Variants in RGS14 observed in about 807,000 individuals in gnomAD.
RGS14 encodes the protein regulator of G-protein signaling 14.
RGS14 carries 33 observed loss-of-function variants against 63.8 expected under a neutral mutation model. That is an observed-to-expected ratio of 0.52 (90% confidence interval 0.39 to 0.69). The LOEUF (loss-of-function observed/expected upper bound fraction) is 0.69. Ranked by LOEUF, RGS14 falls within the 30% of genes least tolerant of loss-of-function variation. The pLI is 0.00. For missense variants in RGS14, 739 were observed against 742.9 expected (o/e 0.99, Z 0.06); for synonymous variants, 296 against 320.9 (o/e 0.92, Z 0.83).
At position 177,367,165 on chromosome 5, in the gene RGS14, G is replaced by A. The variant is rs979511853; in HGVS notation, c.483+131G>A. ...GGAGGCGGAGACAGAGCCAAATGCCGGGGCAGGCAGGGCGGAGCTCAGAGG... is the reference window on the plus strand; with the variant it reads ...GGAGGCGGAGACAGAGCCAAATGCCAGGGCAGGCAGGGCGGAGCTCAGAGG... On this transcript the variant is annotated intron_variant, in intron 5 of 14. Coordinates refer to ENST00000408923, the MANE Select transcript of RGS14 (RefSeq NM_006480.5). 3.9e-6 allele frequency: 5 copies of A among 1,271,072 alleles called. No homozygotes were observed. In the Admixed American group the frequency reaches 7.5e-5, roughly 19 times the overall value. The allele number at this position is 1,271,072 out of a possible 1,614,324, so 78.7% of individuals were successfully genotyped here.
In RGS14 at chr5:177,371,683, G is replaced by C; in HGVS notation, c.1498+94G>C. 7.4e-7 allele frequency: 1 copy of C among 1,355,086 alleles called. No homozygotes were observed. Among genetic ancestry groups the C allele is most frequent in the Middle Eastern group, 1.9e-4 (1 of 5,308 alleles). The allele number at this position is 1,355,086 out of a possible 1,614,324, so 83.9% of individuals were successfully genotyped here. ...TCAGAGAGCCTTGAGCTAAGGCAGG[G>C]GGCTGGGTGCCACTGGGCGTGGAAC... is the stretch of plus-strand genomic sequence containing the variant. On this transcript the variant is annotated intron_variant, in intron 14 of 14. Transcript: ENST00000408923. This position sits in a 1 kb window ranked among gnomAD's most constrained non-coding sequence, Gnocchi z 6.1.
At position 177,370,645 on chromosome 5, in the gene RGS14, G is replaced by C. The variant is rs764952536; in HGVS notation, c.1108G>C (p.Glu370Gln). Residue 370 changes from glutamate (E) to glutamine (Q), a missense_variant, in exon 10 of 15, where the codon GAA becomes CAA. Coordinates refer to ENST00000408923, the MANE Select transcript of RGS14 (RefSeq NM_006480.5). ...TVLADQEVRL[E>Q]NRITFELELT... ...GCTGGCGGATCAGGAAGTGCGGCTG[G>C]AAAACAGGATCACCTTCGAGTGAGT... 6.2e-7 allele frequency: 1 copy of C among 1,614,072 alleles called. No individual in the cohort carries two copies. Among genetic ancestry groups the C allele is most frequent in the Admixed American group, 1.7e-5 (1 of 60,022 alleles).
At chr5:177,369,143 G>A in intron 9 of RGS14, 1 of 575,956 alleles carries the variant, frequency 1.7e-6, no homozygotes, top group Non-Finnish European at 3.1e-6. Flanking sequence ...GGTGACCTTA[G>A]GGAGGTAAAA....
At position 177,368,173 on chromosome 5, in the gene RGS14, A is replaced by G; in HGVS notation, c.756A>G (p.Ala252=). The change falls in exon 8 of 15, where the codon GCA becomes GCG. Residue 252 remains alanine, a synonymous_variant. Transcript: ENST00000408923. Reference sequence around the variant, plus strand: ...CTTCACTAGAGCTGGGCGGGACTGCAAACGCCGCCTTGCGCCGAGAGTCTC... The same window carrying G: ...CTTCACTAGAGCTGGGCGGGACTGCGAACGCCGCCTTGCGCCGAGAGTCTC... ...KSFRRELGGT[A]NAALRRESQG... is the part of the protein sequence containing the mutation. 1.2e-6 allele frequency: 2 copies of G among 1,613,656 alleles called. No individual in the cohort carries two copies. Among genetic ancestry groups the G allele is most frequent in the Non-Finnish European group, 1.7e-6 (2 of 1,179,916 alleles).
In RGS14 at chr5:177,368,219, G is replaced by T; in HGVS notation, c.802G>T (p.Ala268Ser). ...RESQGSLNSS[A>S]SLDLGFLAFV... Reference sequence around the variant, plus strand: ...GTCTCAGGGCTCCCTCAACTCCTCCGCCAGCCTGGACCTTGGCTTCCTAGC... The same window carrying T: ...GTCTCAGGGCTCCCTCAACTCCTCCTCCAGCCTGGACCTTGGCTTCCTAGC... Residue 268 changes from alanine (A) to serine (S), a missense_variant, in exon 8 of 15, where the codon GCC becomes TCC. Transcript: ENST00000408923. The T allele has an allele frequency of 6.2e-7, 1 of 1,613,882 alleles. No individual in the cohort carries two copies. The highest frequency in any genetic ancestry group is 1.3e-5 in the African/African-American group (1 of 75,050).
In RGS14 at chr5:177,364,298, C is replaced by A. The variant is rs1762042010; in HGVS notation, c.46-1665C>A. ...GCATGGTGAAAGTGTAGGAGGTAAG[C>A]GGGAAGTAGGAACTGGGGATGACTC... On this transcript the variant is annotated intron_variant, in intron 1 of 14. Coordinates refer to ENST00000408923, the MANE Select transcript of RGS14 (RefSeq NM_006480.5). The surrounding 1 kb of genome is among the most constrained non-coding windows in gnomAD (Gnocchi z 4.6). 6.6e-6 allele frequency among the ~76,000 whole-genome samples: 1 copy of A among 151,978 alleles called. No homozygotes were observed. Among genetic ancestry groups the A allele is most frequent in the Non-Finnish European group, 1.5e-5 (1 of 68,006 alleles).
rs1346753682 is a variant in RGS14, at chr5:177,359,776, G to A, written c.45+1707G>A. Among the ~76,000 whole-genome samples, 1 of 152,238 alleles carries A rather than the reference G, an allele frequency of 6.6e-6. No individual in the cohort carries two copies. The highest frequency in any genetic ancestry group is 2.4e-5 in the African/African-American group (1 of 41,464). ...GCTTCCCGTGGCCCTGCACAGCTAGGGCAGGGAGGGCCAGACAGGCACTGG... is the reference window on the plus strand; with the variant it reads ...GCTTCCCGTGGCCCTGCACAGCTAGAGCAGGGAGGGCCAGACAGGCACTGG... On this transcript the variant is annotated intron_variant, in intron 1 of 14. Transcript: ENST00000408923. The surrounding 1 kb of genome is among the most constrained non-coding windows in gnomAD (Gnocchi z 4.4).
chr5:177,364,225 C>T lies in RGS14; in HGVS notation c.46-1738C>T, dbSNP rs957607133. Among the ~76,000 whole-genome samples, 1 of 151,972 alleles carries T rather than the reference C, an allele frequency of 6.6e-6. No homozygotes were observed. The highest frequency in any genetic ancestry group is 2.4e-5 in the African/African-American group (1 of 41,356). On this transcript the variant is annotated intron_variant, in intron 1 of 14. Transcript: ENST00000408923. This position sits in a 1 kb window ranked among gnomAD's most constrained non-coding sequence, Gnocchi z 4.6. ...GTGGAGATGTTTGCAGGCCTGTTTC[C>T]AGTTGGGATGGGAATAAGGGGCTGG... is the stretch of plus-strand genomic sequence containing the variant.
rs1300117467 is a variant in RGS14 at position 177,368,184 on chromosome 5, T to G, written c.767T>G (p.Leu256Trp). 8.1e-6 allele frequency: 13 copies of G among 1,613,748 alleles called. No homozygotes were observed. The highest frequency in any genetic ancestry group is 1.3e-5 in the African/African-American group (1 of 74,958). Reference protein sequence around the residue: ...RELGGTANAALRRESQGSLNS... With the variant: ...RELGGTANAAWRRESQGSLNS... ...CTGGGCGGGACTGCAAACGCCGCCT[T>G]GCGCCGAGAGTCTCAGGGCTCCCTC... The change falls in exon 8 of 15, where the codon TTG (leucine) becomes TGG (tryptophan). Residue 256 changes from leucine (L) to tryptophan (W), a missense_variant. Leu to Trp is a moderately conservative substitution (Grantham distance 61, BLOSUM62 -2). Coordinates refer to ENST00000408923, the MANE Select transcript of RGS14 (RefSeq NM_006480.5).
In RGS14 at chr5:177,371,498, T is replaced by A. The variant is rs764761683; in HGVS notation, c.1407T>A (p.Asp469Glu). ...RSQGCPPRTQ[D>E]KATHPPPASP... ...AGGGCTGCCCACCTAGAACTCAGGA[T>A]AAGGCCACCCATCCCCCTCCAGCGT... Residue 469 changes from aspartate to glutamate, a missense_variant, in exon 14 of 15, where the codon GAT becomes GAA. Asp to Glu is a conservative substitution (Grantham distance 45, BLOSUM62 2). Coordinates refer to ENST00000408923, the MANE Select transcript of RGS14 (RefSeq NM_006480.5). This position sits in a 1 kb window ranked among gnomAD's most constrained non-coding sequence, Gnocchi z 6.1. 6.2e-7 allele frequency: 1 copy of A among 1,613,768 alleles called. No homozygotes were observed. The highest frequency in any genetic ancestry group is 1.1e-5 in the South Asian group (1 of 91,042).
At chr5:177,363,664 T>C (rs1458164657) in intron 1 of RGS14, among the ~76,000 whole-genome samples, 1 of 151,784 alleles carries the variant, frequency 6.6e-6, no homozygotes, top group African/African-American at 2.4e-5. Flanking sequence ...GTTCTTTATA[T>C]ATATTTCACT....
intron 3 of RGS14, 119 bp from the exon 4 acceptor site, chr5:177,366,575 TCTGTCTGTCTGGCC>T (rs1762097399): frequency 1.1e-6 from 1 of 889,834 alleles, no homozygotes; most frequent in Non-Finnish European, 1.8e-6. Flanking sequence ...TCTGGCTCCG[TCTGTCTGTCTGGCC>T]CTGTCTGTCT....
chr5:177,358,050 G>T lies in RGS14; in HGVS notation c.26G>T (p.Gly9Val). MPGKPKHLGVPNGRMVLAV... is the reference protein window; with the variant it reads MPGKPKHLVVPNGRMVLAV... Reference sequence around the variant, plus strand: ...ATGCCAGGGAAGCCCAAGCACCTGGGCGTCCCCAACGGGCGCATGGTGAGT... The same window carrying T: ...ATGCCAGGGAAGCCCAAGCACCTGGTCGTCCCCAACGGGCGCATGGTGAGT... The change falls in exon 1 of 15, where the codon GGC becomes GTC. Residue 9 changes from glycine to valine, a missense_variant. Gly to Val is a moderately radical substitution (Grantham distance 109, BLOSUM62 -3). Coordinates refer to ENST00000408923, the MANE Select transcript of RGS14 (RefSeq NM_006480.5). This position sits in a 1 kb window ranked among gnomAD's most constrained non-coding sequence, Gnocchi z 4.8. 7.4e-7 allele frequency: 1 copy of T among 1,358,002 alleles called. No individual in the cohort carries two copies. Among genetic ancestry groups the T allele is most frequent in the African/African-American group, 1.5e-5 (1 of 66,374 alleles). The allele number at this position is 1,358,002 out of a possible 1,614,324, so 84.1% of individuals were successfully genotyped here.
rs917973400 is a variant in RGS14 at position 177,368,244 on chromosome 5, C to G, written c.827C>G (p.Ala276Gly). 1.9e-6 allele frequency: 3 copies of G among 1,613,174 alleles called. No homozygotes were observed. The highest frequency in any genetic ancestry group is 8.5e-7 in the Non-Finnish European group (1 of 1,179,436). ...SSASLDLGFL[A>G]FVSSKSESHR... ...GCCAGCCTGGACCTTGGCTTCCTAG[C>G]CTTCGTCAGCAGCAAATCTGAGGTG... is the stretch of plus-strand genomic sequence containing the variant. Residue 276 changes from alanine to glycine, a missense_variant, in exon 8 of 15, where the codon GCC becomes GGC. By Grantham distance (60) the Ala-to-Gly change is moderately conservative. Coordinates refer to ENST00000408923, the MANE Select transcript of RGS14 (RefSeq NM_006480.5).
rs566940283 is a variant in RGS14 at position 177,371,069 on chromosome 5, C to CGGGGCCGGGCCGGGCCG, written c.1254+41_1254+42insGCCGGGCCGGGCCGGGG. 1.8e-6 allele frequency: 1 copy of CGGGGCCGGGCCGGGCCG among 552,500 alleles called. No individual in the cohort carries two copies. The highest frequency in any genetic ancestry group is 3.6e-5 in the African/African-American group (1 of 28,130). The allele number at this position is 552,500 out of a possible 1,614,324, so 34.2% of individuals were successfully genotyped here. On this transcript the variant is annotated intron_variant, in intron 11 of 14. Transcript: ENST00000408923. The surrounding 1 kb of genome is among the most constrained non-coding windows in gnomAD (Gnocchi z 6.1). ...GCCGCGGGGCGGGGCGGGGCGGGGC[C>CGGGGCCGGGCCGGGCCG]GGGCCGGGGCCGGGGCCGGGGCCGG...
At position 177,371,578 on chromosome 5, in the gene RGS14, G is replaced by A. The variant is rs747536845; in HGVS notation, c.1487G>A (p.Cys496Tyr). 2.5e-6 allele frequency: 4 copies of A among 1,613,954 alleles called. No homozygotes were observed. The East Asian group carries it at 8.9e-5, about 36-fold the overall frequency. ...AGTGCCACTGGAAAGCGGCAGACCT[G>A]TGACATCGAAGGTACATGGTGGATG... ...PSSATGKRQTCDIEGLVELLN... is the reference protein window; with the variant it reads ...PSSATGKRQTYDIEGLVELLN... Residue 496 changes from cysteine (C) to tyrosine (Y), a missense_variant, in exon 14 of 15, where the codon TGT becomes TAT. Cys to Tyr is a radical substitution (Grantham distance 194). Transcript: ENST00000408923. This position sits in a 1 kb window ranked among gnomAD's most constrained non-coding sequence, Gnocchi z 6.1.
intron 1 of RGS14, among the ~76,000 whole-genome samples, chr5:177,361,898 TCTC>T (rs1458983248): frequency 1.3e-5 from 2 of 152,094 alleles, no homozygotes; most frequent in Non-Finnish European, 2.9e-5. Context: ...CACCACTTCT[TCTC>T]AAGCAGGCTG....
chr5:177,369,145 G>A (rs1314099589), intron 9 of RGS14: 1 of 572,724 alleles, frequency 1.7e-6, no homozygotes, highest in African/African-American at 1.9e-5. Flanking sequence ...TGACCTTAGG[G>A]AGGTAAAACT....
At position 177,368,880 on chromosome 5, in the gene RGS14, C is replaced by G; in HGVS notation, c.1013C>G (p.Ser338Cys). The G allele has an allele frequency of 6.2e-7, 1 of 1,614,232 alleles. No homozygotes were observed. The highest frequency in any genetic ancestry group is 1.1e-5 in the South Asian group (1 of 91,076). ...LAGICEKRGL[S>C]LPDIKVYLVG... is the part of the protein sequence containing the mutation. Reference sequence around the variant, plus strand: ...GGGATCTGTGAGAAACGAGGCCTCTCTCTACCTGACATCAAGGTCTACCTG... The same window carrying G: ...GGGATCTGTGAGAAACGAGGCCTCTGTCTACCTGACATCAAGGTCTACCTG... Residue 338 changes from serine to cysteine, a missense_variant, in exon 9 of 15, where the codon TCT becomes TGT. Physicochemically the swap from Ser to Cys is moderately radical, Grantham distance 112 (BLOSUM62 -1). Transcript: ENST00000408923.
Sources: gnomAD v4.1 joint callset for allele counts (sites outside exome capture counted in the v4.1 genomes callset) on GRCh38, gnomAD v4.1.1 for gene constraint, Gnocchi (gnomAD v3.1) non-coding constraint, MANE v1.5 for transcripts, NCBI Gene and HGNC (gene_info 2026-07-23, HGNC 2026-07-21) for gene names.